TUSC3: variants seen among roughly 807,000 people sequenced by gnomAD.
TUSC3 encodes dolichyl-diphosphooligosaccharide--protein glycosyltransferase subunit TUSC3.
Under a neutral mutation model 44.8 loss-of-function variants are expected in TUSC3, and 45 were observed. That is an observed-to-expected ratio of 1.00 (90% CI 0.79 to 1.29). The LOEUF is 1.29. TUSC3 is among the 50% of genes most tolerant of loss of function. TUSC3 has a pLI of 0.00. For synonymous variants in TUSC3, 212 were observed against 152.9 expected, an observed-to-expected ratio of 1.39 and a Z score of -2.85; for missense variants, 519 against 437.9, an observed-to-expected ratio of 1.19 and a Z score of -1.65.
At chr8:15,668,123 GT>G (rs1158377050) in intron 5 of TUSC3, among the ~76,000 whole-genome samples, 2 of 151,686 alleles carry the variant, frequency 1.3e-5, no homozygotes, top group Non-Finnish European at 3.0e-5. Flanking sequence ...ATTGGTATCT[GT>G]TTTGTACATG....
chr8:15,795,001 C>T, the TUSC3 span, among the ~76,000 whole-genome samples: 1 of 152,156 alleles, frequency 6.6e-6, no homozygotes, highest in East Asian at 1.9e-4. Flanking sequence ...GATGAATTTT[C>T]CATGAGTATG....
Position 15,448,549 on chromosome 8 carries a change from G to C in TUSC3, n.91+31244G>C, listed in dbSNP as rs1266089604. ...ATGTTCTACTCTTAAGAAAATAGTA[G>C]AGCAGATGTAAAAAGTGTATGATGT... On this transcript the variant is annotated intron_variant and non_coding_transcript_variant, in intron 1 of 5. Transcript: ENST00000503191. Among the ~76,000 whole-genome samples the C allele has an allele frequency of 2.6e-5, 4 of 152,256 alleles. No homozygotes were observed. The East Asian group carries it at 7.7e-4, about 29-fold the overall frequency.
chr8:15,567,278 C>T (rs11994474), intron 1 of TUSC3, among the ~76,000 whole-genome samples: 4,533 of 152,106 alleles, frequency 0.03, 184 homozygotes, highest in African/African-American at 0.096. Flanking sequence ...TTTCAATTAA[C>T]AAAAAGTTCT....
At chr8:15,749,844 G>A (rs1355866341) in intron 9 of TUSC3, among the ~76,000 whole-genome samples, 1 of 144,986 alleles carries the variant, frequency 6.9e-6, no homozygotes, top group Admixed American at 7.1e-5. Context: ...AAGAAAAATA[G>A]AAATCCTCTG....
chr8:15,774,519 T>C, the TUSC3 span, among the ~76,000 whole-genome samples: 52,713 of 151,944 alleles, frequency 0.35, 9,934 homozygotes, highest in Admixed American at 0.5. Flanking sequence ...AGGATTCCCA[T>C]AAAGGTCTCA....
chr8:15,787,496 G>C, the TUSC3 span, among the ~76,000 whole-genome samples: 1 of 151,954 alleles, frequency 6.6e-6, no homozygotes, highest in Non-Finnish European at 1.5e-5. Flanking sequence ...AAATTTGTCA[G>C]GAAAATATAT....
intron 8 of TUSC3, among the ~76,000 whole-genome samples, chr8:15,746,012 TAG>T (rs1314044598): frequency 1.3e-5 from 2 of 152,242 alleles, no homozygotes; most frequent in South Asian, 2.1e-4. Flanking sequence ...ATTTATTGGA[TAG>T]AGAGTCCTCT....
the TUSC3 span, among the ~76,000 whole-genome samples, chr8:15,809,095 T>A: frequency 6.6e-6 from 1 of 152,120 alleles, no homozygotes. Context: ...GATGGCACAC[T>A]ATCATGCTAA....
the TUSC3 span, among the ~76,000 whole-genome samples, chr8:15,827,606 C>G: frequency 6.6e-6 from 1 of 152,096 alleles, no homozygotes; most frequent in African/African-American, 2.4e-5. Flanking sequence ...TTTCTAAGGA[C>G]TCATGATTTT....
intron 1 of TUSC3, among the ~76,000 whole-genome samples, chr8:15,618,925 T>G (rs1198581435): frequency 6.6e-6 from 1 of 152,156 alleles, no homozygotes; most frequent in Non-Finnish European, 1.5e-5. Context: ...TCTTTGTGTA[T>G]GGAGTCTGTT....
At chr8:15,838,642 G>A in the TUSC3 span, among the ~76,000 whole-genome samples, 2 of 152,220 alleles carry the variant, frequency 1.3e-5, no homozygotes, top group African/African-American at 4.8e-5. Flanking sequence ...GTTTTTGTCA[G>A]GTTTGTCAAA....
intron 2 of TUSC3, among the ~76,000 whole-genome samples, chr8:15,637,514 G>A (rs1268646456): frequency 6.6e-6 from 1 of 151,850 alleles, no homozygotes; most frequent in East Asian, 1.9e-4. Flanking sequence ...TTTACTTTAG[G>A]TTGGAGTATT....
At chr8:15,617,522 C>G (rs1805050961) in intron 1 of TUSC3, among the ~76,000 whole-genome samples, 1 of 152,122 alleles carries the variant, frequency 6.6e-6, no homozygotes, top group Non-Finnish European at 1.5e-5. Flanking sequence ...GGCCCTCCCC[C>G]TTTCCTTATT....
At chr8:15,442,867 G>T (rs1051176821) in intron 1 of TUSC3, among the ~76,000 whole-genome samples, 30 of 152,122 alleles carry the variant, frequency 2.0e-4, no homozygotes, top group African/African-American at 7.2e-4. Flanking sequence ...CCCAGTTGTA[G>T]ACAAGAATCT....
chr8:15,541,735 A>T (rs1459793591), intron 1 of TUSC3, among the ~76,000 whole-genome samples: 1 of 152,040 alleles, frequency 6.6e-6, no homozygotes, highest in East Asian at 1.9e-4. Flanking sequence ...GTATTTACAA[A>T]TATAAATTAA....
chr8:15,470,107 A>AC (rs1000929907), intron 1 of TUSC3, among the ~76,000 whole-genome samples: 9 of 149,474 alleles, frequency 6.0e-5, no homozygotes, highest in South Asian at 2.1e-4. Context: ...AAAATTAACA[A>AC]AAAAAAAAAG....
the TUSC3 span, among the ~76,000 whole-genome samples, chr8:15,810,890 A>G: frequency 1.3e-5 from 2 of 152,142 alleles, no homozygotes; most frequent in East Asian, 3.9e-4. Flanking sequence ...CTACAGAGTC[A>G]TCTTAGACAG....
chr8:15,469,175 A>G (rs561486950), intron 1 of TUSC3, among the ~76,000 whole-genome samples: 2 of 152,352 alleles, frequency 1.3e-5, no homozygotes, highest in African/African-American at 4.8e-5. Context: ...GGATTTCATT[A>G]AAATTAAACT....
chr8:15,639,394 T>C (rs1340079411), intron 2 of TUSC3, among the ~76,000 whole-genome samples: 1 of 152,234 alleles, frequency 6.6e-6, no homozygotes, highest in African/African-American at 2.4e-5. Flanking sequence ...TGAGAATTTT[T>C]TCATATTGAT....
Sources: allele counts gnomAD v4.1 joint callset (sites outside exome capture counted in the v4.1 genomes callset), GRCh38; gene constraint gnomAD v4.1.1; transcripts MANE v1.5; gene names NCBI Gene and HGNC (gene_info 2026-07-23, HGNC 2026-07-21).